Variants in RIN2 observed in about 807,000 individuals in gnomAD.
The protein encoded by RIN2 is Ras and Rab interactor 2.
Under a neutral mutation model 78.0 loss-of-function variants are expected in RIN2, and 36 were observed. The ratio of observed to expected loss-of-function variants is 0.46; its 90% CI spans 0.35 to 0.61. The LOEUF (loss-of-function observed/expected upper bound fraction) is 0.61, where lower values mean the gene tolerates loss of function less well. Among genes scored for constraint, RIN2 ranks in the 20% least tolerant of loss-of-function variants. The pLI, the probability that RIN2 is intolerant of heterozygous loss-of-function variation, is 0.00. For missense variants in RIN2, 1,087 were observed against 1,159.7 expected, an observed-to-expected ratio of 0.94 and a Z score of 0.91; for synonymous variants, 466 against 466.8, an observed-to-expected ratio of 1.00 and a Z score of 0.02.
intron 3 of RIN2, among the ~76,000 whole-genome samples, chr20:19,917,638 AT>A (rs1442629678): frequency 6.6e-6 from 1 of 152,224 alleles, no homozygotes; most frequent in Non-Finnish European, 1.5e-5. Context: ...AGCCACAACT[AT>A]TACTTAAGTG....
chr20:19,773,978 A>G (rs1228380026), intron 1 of RIN2, among the ~76,000 whole-genome samples: 1 of 151,650 alleles, frequency 6.6e-6, no homozygotes, highest in Admixed American at 6.6e-5. Flanking sequence ...CATGCCCTTG[A>G]TTTGCCCCTG....
At chr20:19,789,342 G>T (rs367800113) in intron 1 of RIN2, among the ~76,000 whole-genome samples, 1 of 152,118 alleles carries the variant, frequency 6.6e-6, no homozygotes, top group South Asian at 2.1e-4. Flanking sequence ...AAATATCTTC[G>T]TGAACTTGGG....
chr20:19,889,630 G>T lies in RIN2; in HGVS notation c.29G>T (p.Gly10Val). The change falls in exon 3 of 13, where the codon GGT (glycine) becomes GTT (valine). Residue 10 changes from glycine to valine, a missense_variant. Transcript: ENST00000255006. ...ACAGCTTGGACCATGGGCGCCCGCG[G>T]TCTGGACAAGCGAGGAAGTTTCTTT... Reference protein sequence around the residue: MTAWTMGARGLDKRGSFFKL... With the variant: MTAWTMGARVLDKRGSFFKL... 3 of 1,544,878 alleles carry T rather than the reference G, an allele frequency of 1.9e-6. No homozygotes were observed. The highest frequency in any genetic ancestry group is 3.4e-4 in the Middle Eastern group (2 of 5,908).
chr20:19,927,399 C>T (rs887827479), intron 3 of RIN2, among the ~76,000 whole-genome samples: 2 of 151,756 alleles, frequency 1.3e-5, no homozygotes, highest in Admixed American at 6.6e-5. Flanking sequence ...AAGGCACATG[C>T]CACCATGCCT....
At chr20:19,933,862 G>A (rs2040528714) in intron 3 of RIN2, among the ~76,000 whole-genome samples, 1 of 152,134 alleles carries the variant, frequency 6.6e-6, no homozygotes, top group Admixed American at 6.6e-5. Context: ...AGGCTGGAGT[G>A]CAGTGGCATG....
chr20:19,927,447 C>T (rs2040268652), intron 3 of RIN2, among the ~76,000 whole-genome samples: 1 of 151,928 alleles, frequency 6.6e-6, no homozygotes, highest in African/African-American at 2.4e-5. Flanking sequence ...TGGAGTCTCA[C>T]TCTGTTGCCC....
chr20:19,922,882 G>T (rs1435642366), intron 3 of RIN2, among the ~76,000 whole-genome samples: 1 of 152,176 alleles, frequency 6.6e-6, no homozygotes, highest in Non-Finnish European at 1.5e-5. Context: ...CTTTGGAAGA[G>T]GGTGTAAGTC....
chr20:19,995,669 A>G (rs887487904), intron 11 of RIN2, among the ~76,000 whole-genome samples: 3 of 152,086 alleles, frequency 2.0e-5, no homozygotes, highest in African/African-American at 7.2e-5. Flanking sequence ...GCCAGATGTT[A>G]TGTTAGTCCC....
At chr20:19,934,104 C>T (rs2040540394) in intron 3 of RIN2, among the ~76,000 whole-genome samples, 1 of 152,180 alleles carries the variant, frequency 6.6e-6, no homozygotes, top group Non-Finnish European at 1.5e-5. Flanking sequence ...GCCGCTATGC[C>T]TGGCCAATGC....
chr20:19,761,512 A>G (rs917856390), intron 1 of RIN2, among the ~76,000 whole-genome samples: 13 of 152,280 alleles, frequency 8.5e-5, no homozygotes, highest in African/African-American at 2.9e-4. Flanking sequence ...TGGCCACAGA[A>G]CACTCTTTCT....
chr20:19,804,804 C>T (rs954750257), intron 2 of RIN2, among the ~76,000 whole-genome samples: 1 of 152,148 alleles, frequency 6.6e-6, no homozygotes, highest in Non-Finnish European at 1.5e-5. Context: ...TCTGGTAGAA[C>T]TCAGCGGTAA....
chr20:19,952,250 G>A (rs1360794686), intron 4 of RIN2, among the ~76,000 whole-genome samples: 1 of 152,216 alleles, frequency 6.6e-6, no homozygotes. Context: ...GGGAGAGGAT[G>A]TAGCTTCCTG....
chr20:19,773,160 T>C (rs962980145), intron 1 of RIN2, among the ~76,000 whole-genome samples: 3 of 152,194 alleles, frequency 2.0e-5, no homozygotes, highest in Admixed American at 2.0e-4. Flanking sequence ...CCTCCAGTCC[T>C]CCATGCTCAC....
At chr20:19,853,012 T>A (rs6035458) in intron 2 of RIN2, among the ~76,000 whole-genome samples, 81,515 of 147,884 alleles carry the variant, frequency 0.55, 24,332 homozygotes, top group African/African-American at 0.78. Flanking sequence ...TAGGTATATC[T>A]CCTAATGCTA....
intron 5 of RIN2, among the ~76,000 whole-genome samples, chr20:19,959,068 T>C (rs952759729): frequency 8.5e-5 from 13 of 152,292 alleles, no homozygotes; most frequent in African/African-American, 2.6e-4. Context: ...TATTTTTGGC[T>C]TTGCAGGCCA....
At chr20:19,987,317 G>T (rs1345110656) in intron 9 of RIN2, among the ~76,000 whole-genome samples, 1 of 152,072 alleles carries the variant, frequency 6.6e-6, no homozygotes, top group Non-Finnish European at 1.5e-5. Context: ...TTGTCCTCCC[G>T]TGGTGACCCT....
intron 1 of RIN2, among the ~76,000 whole-genome samples, chr20:19,792,334 GCTTT>G (rs2034913400): frequency 1.3e-5 from 2 of 152,156 alleles, no homozygotes; most frequent in African/African-American, 4.8e-5. Context: ...TATATAACAT[GCTTT>G]ACCTTAACCA....
At chr20:19,867,955 A>G (rs13044506) in intron 2 of RIN2, among the ~76,000 whole-genome samples, 34,501 of 152,198 alleles carry the variant, frequency 0.23, 4,525 homozygotes, top group Middle Eastern at 0.41. Flanking sequence ...AAGAAAGGGC[A>G]GCATCAGCAG....
At chr20:19,860,515 G>T (rs1333899837) in intron 2 of RIN2, among the ~76,000 whole-genome samples, 1 of 151,042 alleles carries the variant, frequency 6.6e-6, no homozygotes, top group Non-Finnish European at 1.5e-5. Context: ...TAGAGACGGG[G>T]TTTCACCATG....
Sources: allele counts gnomAD v4.1 joint callset (sites outside exome capture counted in the v4.1 genomes callset), GRCh38; gene constraint gnomAD v4.1.1; transcripts MANE v1.5; gene names NCBI Gene and HGNC (gene_info 2026-07-23, HGNC 2026-07-21).